CAMKMT: variants seen among roughly 807,000 people sequenced by gnomAD.
CAMKMT encodes the protein CaM KMT.
Under a neutral mutation model 48.0 loss-of-function variants are expected in CAMKMT, and 53 were observed. The ratio of observed to expected loss-of-function variants is 1.10; its 90% CI spans 0.89 to 1.39. The LOEUF (loss-of-function observed/expected upper bound fraction) is 1.39. Ranked by LOEUF, CAMKMT falls within the 40% of genes most tolerant of loss-of-function variation. CAMKMT has a pLI of 0.00. For missense variants in CAMKMT, 428 were observed against 402.7 expected (o/e 1.06, Z -0.54); for synonymous variants, 165 against 152.3 (o/e 1.08, Z -0.61).
At chr2:44,647,008 G>C (rs749336222) in intron 3 of CAMKMT, among the ~76,000 whole-genome samples, 1 of 152,166 alleles carries the variant, frequency 6.6e-6, no homozygotes, top group Non-Finnish European at 1.5e-5. Context: ...TATTTTAAAA[G>C]TATTCCTTGG....
intron 3 of CAMKMT, among the ~76,000 whole-genome samples, chr2:44,521,180 C>T (rs943369891): frequency 1.1e-4 from 16 of 152,128 alleles, no homozygotes; most frequent in Admixed American, 3.9e-4. Flanking sequence ...TATGGATTTA[C>T]GTTTATTAGA....
chr2:44,700,637 C>G (rs1164773349), intron 3 of CAMKMT, among the ~76,000 whole-genome samples: 1 of 152,166 alleles, frequency 6.6e-6, no homozygotes, highest in Non-Finnish European at 1.5e-5. Context: ...AGTTTGCTAG[C>G]TATCTTATAT....
chr2:44,486,960 T>G (rs1203632786), intron 3 of CAMKMT, among the ~76,000 whole-genome samples: 1 of 152,238 alleles, frequency 6.6e-6, no homozygotes, highest in Non-Finnish European at 1.5e-5. Flanking sequence ...GAAATATGCT[T>G]AACTATGTGT....
chr2:44,742,148 A>G (rs138192216), intron 7 of CAMKMT, among the ~76,000 whole-genome samples: 5 of 152,272 alleles, frequency 3.3e-5, no homozygotes, highest in South Asian at 2.1e-4. Context: ...CCTGAGTCCC[A>G]GATACACTGG....
rs1301779965 is a variant in CAMKMT, at chr2:44,578,535, C to T, written c.377-125748C>T. ...GTGAAGAGGTGGGAAAAACTCCTGG[C>T]TGAGTCATAAAACTGAGGATTCTTT... On this transcript the variant is annotated intron_variant, in intron 3 of 10. Transcript: ENST00000378494. 2.6e-5 allele frequency among the ~76,000 whole-genome samples: 4 copies of T among 152,032 alleles called. No individual in the cohort carries two copies. The East Asian group carries it at 5.8e-4, about 22-fold the overall frequency.
chr2:44,750,738 GCACGGTGGCT>G (rs1680121276), intron 8 of CAMKMT, among the ~76,000 whole-genome samples: 1 of 152,204 alleles, frequency 6.6e-6, no homozygotes, highest in South Asian at 2.1e-4. Context: ...ATGAGGCCGG[GCACGGTGGCT>G]CACGCCTATA....
chr2:44,752,320 A>G (rs1024837580), intron 8 of CAMKMT, among the ~76,000 whole-genome samples: 4 of 151,866 alleles, frequency 2.6e-5, no homozygotes, highest in Admixed American at 2.0e-4. Flanking sequence ...ACATAATATC[A>G]GATCACGTAT....
At chr2:44,697,167 T>G (rs1045472016) in intron 3 of CAMKMT, among the ~76,000 whole-genome samples, 2 of 152,176 alleles carry the variant, frequency 1.3e-5, no homozygotes, top group African/African-American at 4.8e-5. Context: ...AACATGGAGT[T>G]TCTGGATTGA....
intron 3 of CAMKMT, among the ~76,000 whole-genome samples, chr2:44,516,469 C>CT (rs562754884): frequency 1.3e-5 from 2 of 151,734 alleles, no homozygotes; most frequent in African/African-American, 4.8e-5. Context: ...AGGGAAGCTT[C>CT]TTTTTTTTCC....
intron 7 of CAMKMT, among the ~76,000 whole-genome samples, chr2:44,723,417 C>T (rs776215329): frequency 6.6e-6 from 1 of 151,888 alleles, no homozygotes; most frequent in East Asian, 1.9e-4. Flanking sequence ...ATGGTGAAAC[C>T]CCACCTCTAC....
chr2:44,455,775 A>AT (rs201611818), intron 3 of CAMKMT, among the ~76,000 whole-genome samples: 14 of 151,662 alleles, frequency 9.2e-5, no homozygotes, highest in South Asian at 4.2e-4. Flanking sequence ...TTAAAAAGCT[A>AT]TTTTTTTTAA....
chr2:44,540,735 A>C (rs1667060569), intron 3 of CAMKMT, among the ~76,000 whole-genome samples: 2 of 152,342 alleles, frequency 1.3e-5, no homozygotes, highest in Middle Eastern at 3.4e-3. Context: ...TGGGCAACAC[A>C]GCAAGACCCT....
Position 44,743,517 on chromosome 2 carries a change from C to T in CAMKMT, c.624-105C>T, listed in dbSNP as rs894679626. ...TACCTTTTGAAATAATTTGTATATACCTTTTAAATAATTTCAAGTGCCACA... is the reference window on the plus strand; with the variant it reads ...TACCTTTTGAAATAATTTGTATATATCTTTTAAATAATTTCAAGTGCCACA... On this transcript the variant is annotated intron_variant, in intron 7 of 10. Transcript: ENST00000378494. The T allele has an allele frequency of 4.2e-5, 31 of 742,352 alleles. No homozygotes were observed. The Admixed American group carries it at 8.0e-4, about 19-fold the overall frequency. 46.0% of individuals were successfully genotyped at this position (742,352 alleles called of 1,614,324 possible).
At chr2:44,420,846 G>T (rs1683889834) in intron 3 of CAMKMT, among the ~76,000 whole-genome samples, 1 of 150,576 alleles carries the variant, frequency 6.6e-6, no homozygotes, top group Non-Finnish European at 1.5e-5. Context: ...TTCCCCCCTT[G>T]GGTAATTTTT....
At chr2:44,708,918 G>T (rs1244235096) in intron 6 of CAMKMT, among the ~76,000 whole-genome samples, 1 of 152,000 alleles carries the variant, frequency 6.6e-6, no homozygotes, top group Non-Finnish European at 1.5e-5. Context: ...AAGTCAGCAG[G>T]TGTCTTATTT....
chr2:44,381,888 T>A (rs1680276195), intron 2 of CAMKMT, among the ~76,000 whole-genome samples: 2 of 152,136 alleles, frequency 1.3e-5, no homozygotes, highest in South Asian at 4.1e-4. Flanking sequence ...ATTAAAACTT[T>A]TTTTGGATTT....
At chr2:44,664,977 AC>A (rs1220303869) in intron 3 of CAMKMT, among the ~76,000 whole-genome samples, 2 of 152,070 alleles carry the variant, frequency 1.3e-5, no homozygotes, top group Non-Finnish European at 2.9e-5. Context: ...ATTCATTGCT[AC>A]CCCCCAGGAA....
rs543428726 is a variant in CAMKMT, at chr2:44,772,525, C to G, written c.*412C>G. 6.3e-6 allele frequency: 1 copy of G among 158,500 alleles called. No individual in the cohort carries two copies. Among genetic ancestry groups the G allele is most frequent in the East Asian group, 1.8e-4 (1 of 5,534 alleles). 9.8% of individuals were successfully genotyped at this position (158,500 alleles called of 1,614,324 possible). On this transcript the variant is annotated 3_prime_UTR_variant, in exon 11 of 11. Transcript: ENST00000378494. ...TGGTGGTAGTTTTTAATCAGTAAAC[C>G]CAGCAAATATCATGATTCTTTCCTG...
intron 3 of CAMKMT, among the ~76,000 whole-genome samples, chr2:44,491,252 A>G (rs1374167032): frequency 6.6e-6 from 1 of 152,092 alleles, no homozygotes; most frequent in Non-Finnish European, 1.5e-5. Context: ...GGTTGTGCCA[A>G]TGGCTGGAGG....
Sources: gnomAD v4.1 joint callset for allele counts (sites outside exome capture counted in the v4.1 genomes callset) on GRCh38, gnomAD v4.1.1 for gene constraint, MANE v1.5 for transcripts, NCBI Gene and HGNC (gene_info 2026-07-23, HGNC 2026-07-21) for gene names.